The following MAGI1 variants were observed in gnomAD, a reference collection of about 807,000 sequenced individuals.
MAGI1 encodes the protein membrane-associated guanylate kinase, WW and PDZ domain-containing protein 1.
Under a neutral mutation model 139.9 loss-of-function variants are expected in MAGI1, and 58 were observed. The ratio of observed to expected loss-of-function variants is 0.41; its 90% confidence interval spans 0.34 to 0.52. The LOEUF is 0.52. Ranked by LOEUF, MAGI1 falls within the 20% of genes least tolerant of loss-of-function variation. MAGI1 has a pLI of 0.12. For missense variants in MAGI1, 1,874 were observed against 1,901.6 expected (o/e 0.99, Z 0.27); for synonymous variants, 812 against 737.9 (o/e 1.10, Z -1.63).
At chr3:65,986,669 G>A (rs2065896696) in intron 1 of MAGI1, among the ~76,000 whole-genome samples, 1 of 152,158 alleles carries the variant, frequency 6.6e-6, no homozygotes, top group South Asian at 2.1e-4. Context: ...GTTGTTATTC[G>A]TGTTTGAAAT....
intron 20 of MAGI1, among the ~76,000 whole-genome samples, chr3:65,364,368 T>C (rs770144416): frequency 6.6e-6 from 1 of 152,064 alleles, no homozygotes; most frequent in Non-Finnish European, 1.5e-5. Flanking sequence ...AGAAGCATGT[T>C]TATGAATACT....
At chr3:65,431,863 G>T (rs1313531030) in intron 10 of MAGI1, among the ~76,000 whole-genome samples, 1 of 151,858 alleles carries the variant, frequency 6.6e-6, no homozygotes, top group Non-Finnish European at 1.5e-5. Context: ...TGAGGTGGTG[G>T]ATGCCTGTAA....
chr3:65,702,242 T>C (rs1576801785), intron 1 of MAGI1, among the ~76,000 whole-genome samples: 2 of 152,290 alleles, frequency 1.3e-5, no homozygotes, highest in South Asian at 2.1e-4. Context: ...CTCACCCTAG[T>C]TACAGGCAAT....
chr3:65,584,181 G>A (rs2081568351), intron 2 of MAGI1, among the ~76,000 whole-genome samples: 1 of 150,620 alleles, frequency 6.6e-6, no homozygotes, highest in Admixed American at 6.6e-5. Context: ...CCTACAGAAT[G>A]AGCTACTTTG....
chr3:65,907,437 C>T (rs1403579651), intron 1 of MAGI1, among the ~76,000 whole-genome samples: 1 of 152,056 alleles, frequency 6.6e-6, no homozygotes, highest in Non-Finnish European at 1.5e-5. Flanking sequence ...TGAAAGTCAC[C>T]ACATGCAAAG....
Position 65,359,459 on chromosome 3 carries a change from TGAC to T in MAGI1, c.3634+1737_3634+1739del. 3.5e-6 allele frequency: 4 copies of T among 1,142,814 alleles called. No homozygotes were observed. In the East Asian group the frequency reaches 1.7e-4, roughly 49 times the overall value. The allele number at this position is 1,142,814 out of a possible 1,614,324, so 70.8% of individuals were successfully genotyped here. On this transcript the variant is annotated intron_variant, in intron 22 of 22. Coordinates refer to ENST00000402939, the MANE Select transcript of MAGI1 (RefSeq NM_001033057.2). ...TTGTTTTTTCAAACAACTGGAACAA[TGAC>T]AGGCTGGCATAGGAGAGCATTAACA...
intron 2 of MAGI1, among the ~76,000 whole-genome samples, chr3:65,505,883 G>C (rs2077266108): frequency 6.6e-6 from 1 of 152,142 alleles, no homozygotes; most frequent in East Asian, 1.9e-4. Flanking sequence ...GGCAAAACAT[G>C]ATCACTGTTC....
At chr3:66,018,447 C>G (rs9853428) in intron 1 of MAGI1, among the ~76,000 whole-genome samples, 53,820 of 152,002 alleles carry the variant, frequency 0.35, 11,209 homozygotes, top group East Asian at 0.57. Context: ...TCCAGCCAGG[C>G]ACAAAGAGCC....
intron 1 of MAGI1, among the ~76,000 whole-genome samples, chr3:65,664,726 T>A (rs1314748959): frequency 6.6e-6 from 1 of 152,326 alleles, no homozygotes; most frequent in African/African-American, 2.4e-5. Flanking sequence ...AGTTGCCCAA[T>A]GAGTATGTTT....
chr3:65,400,792 G>A (rs1267532764), intron 13 of MAGI1, among the ~76,000 whole-genome samples: 55 of 81,310 alleles, frequency 6.8e-4, no homozygotes, highest in Admixed American at 1.5e-3. Flanking sequence ...TTTTTTTTAA[G>A]AATCCTATAC....
chr3:65,853,776 G>T (rs903577), intron 1 of MAGI1, among the ~76,000 whole-genome samples: 1 of 152,076 alleles, frequency 6.6e-6, no homozygotes, highest in East Asian at 1.9e-4. Context: ...CAATATGGAA[G>T]CCTTCCAGGG....
chr3:65,714,924 G>C (rs2032035371), intron 1 of MAGI1, among the ~76,000 whole-genome samples: 1 of 152,080 alleles, frequency 6.6e-6, no homozygotes, highest in African/African-American at 2.4e-5. Flanking sequence ...ATGGTGTCTT[G>C]CTCTCCCCGA....
intron 1 of MAGI1, among the ~76,000 whole-genome samples, chr3:65,663,825 T>C (rs1380845109): frequency 6.6e-6 from 1 of 152,092 alleles, no homozygotes. Context: ...TAGTAGTACC[T>C]CCCCGAGTTG....
At chr3:65,422,448 T>G (rs79329193) in intron 12 of MAGI1, among the ~76,000 whole-genome samples, 2 of 152,282 alleles carry the variant, frequency 1.3e-5, no homozygotes, top group East Asian at 3.9e-4. Flanking sequence ...TTTTTAGCTG[T>G]GTGACTGGGG....
At chr3:65,796,665 C>T (rs181052569) in intron 1 of MAGI1, among the ~76,000 whole-genome samples, 1 of 152,190 alleles carries the variant, frequency 6.6e-6, no homozygotes, top group East Asian at 1.9e-4. Flanking sequence ...ATGCCTAAAC[C>T]TTCTGAATAA....
intron 1 of MAGI1, among the ~76,000 whole-genome samples, chr3:65,711,143 G>A (rs1444765676): frequency 6.6e-6 from 1 of 152,210 alleles, no homozygotes; most frequent in Non-Finnish European, 1.5e-5. Context: ...TCTAGGTACA[G>A]TGTTAGATTT....
chr3:65,366,377 A>T (rs1176753262), intron 18 of MAGI1, among the ~76,000 whole-genome samples: 1 of 152,214 alleles, frequency 6.6e-6, no homozygotes, highest in Non-Finnish European at 1.5e-5. Context: ...GAAAATAACT[A>T]AATCAAGTGA....
chr3:65,952,974 C>T (rs757575973), intron 1 of MAGI1, among the ~76,000 whole-genome samples: 6 of 152,144 alleles, frequency 3.9e-5, no homozygotes, highest in Non-Finnish European at 8.8e-5. Flanking sequence ...ACTCTGCAAT[C>T]CCTAATACAA....
At chr3:65,765,979 C>T (rs1202742211) in intron 1 of MAGI1, among the ~76,000 whole-genome samples, 7 of 152,208 alleles carry the variant, frequency 4.6e-5, no homozygotes, top group African/African-American at 1.2e-4. Context: ...ATCCCAGCCT[C>T]GGTCCCATCT....
Sources: gnomAD v4.1 joint callset for allele counts (sites outside exome capture counted in the v4.1 genomes callset) on GRCh38, gnomAD v4.1.1 for gene constraint, MANE v1.5 for transcripts, NCBI Gene and HGNC (gene_info 2026-07-23, HGNC 2026-07-21) for gene names.